The following CCSER1 variants were observed in gnomAD, a reference collection of about 807,000 sequenced individuals.
The protein encoded by CCSER1 is coiled-coil serine rich protein 1, also known as serine-rich coiled-coil domain-containing protein 1.
In CCSER1, 41 loss-of-function variants were observed where a neutral mutation model predicts 82.0. The ratio of observed to expected loss-of-function variants is 0.50; its 90% confidence interval spans 0.39 to 0.65. CCSER1 has a LOEUF of 0.65. CCSER1 is among the 30% of genes least tolerant of loss of function. The probability of loss-of-function intolerance (pLI) is 0.00; values close to 1 mark genes in which losing one functional copy is unlikely to be tolerated. For missense variants in CCSER1, 1,119 were observed against 1,064.2 expected, an observed-to-expected ratio of 1.05 and a Z score of -0.72; for synonymous variants, 414 against 383.9, an observed-to-expected ratio of 1.08 and a Z score of -0.92.
intron 7 of CCSER1, among the ~76,000 whole-genome samples, chr4:90,809,499 C>T (rs1757968145): frequency 6.6e-6 from 1 of 151,970 alleles, no homozygotes; most frequent in Non-Finnish European, 1.5e-5. Flanking sequence ...TATGCAAAGC[C>T]AGAGTGATAT....
At chr4:90,367,966 TA>T (rs930516120) in intron 3 of CCSER1, among the ~76,000 whole-genome samples, 1 of 152,002 alleles carries the variant, frequency 6.6e-6, no homozygotes, top group African/African-American at 2.4e-5. Flanking sequence ...TACAGTATTT[TA>T]GGGAATTTGA....
At chr4:91,179,992 T>G (rs748439198) in intron 10 of CCSER1, among the ~76,000 whole-genome samples, 14 of 152,228 alleles carry the variant, frequency 9.2e-5, no homozygotes, top group African/African-American at 3.4e-4. Context: ...GGTTTTGGTG[T>G]GGATGTCCTT....
At chr4:90,266,904 G>A (rs1035761730) in intron 1 of CCSER1, among the ~76,000 whole-genome samples, 1 of 151,882 alleles carries the variant, frequency 6.6e-6, no homozygotes, top group Non-Finnish European at 1.5e-5. Context: ...TGTGCTTGGA[G>A]CAAGTGGACT....
At chr4:91,342,269 G>T (rs1393195767) in intron 10 of CCSER1, among the ~76,000 whole-genome samples, 7 of 152,158 alleles carry the variant, frequency 4.6e-5, no homozygotes, top group African/African-American at 1.7e-4. Context: ...ATGAGTAATA[G>T]AGCTAGAATT....
chr4:90,924,513 G>A (rs1728803633), intron 9 of CCSER1, among the ~76,000 whole-genome samples: 1 of 151,852 alleles, frequency 6.6e-6, no homozygotes, highest in Admixed American at 6.6e-5. Flanking sequence ...TTTATTTTAA[G>A]GTATATTTAC....
chr4:90,368,604 C>T (rs145286542), intron 3 of CCSER1, among the ~76,000 whole-genome samples: 19 of 151,980 alleles, frequency 1.3e-4, no homozygotes, highest in African/African-American at 3.9e-4. Context: ...TGCACTTCAG[C>T]CTGGGTGACA....
intron 10 of CCSER1, among the ~76,000 whole-genome samples, chr4:91,375,215 A>G (rs974395018): frequency 6.6e-6 from 1 of 152,188 alleles, no homozygotes; most frequent in Admixed American, 6.5e-5. Flanking sequence ...GAGGGATTCA[A>G]AAGTTCAGGG....
At chr4:90,537,112 ATTTTCCTCAGG>A (rs1775495088) in intron 5 of CCSER1, among the ~76,000 whole-genome samples, 1 of 152,068 alleles carries the variant, frequency 6.6e-6, no homozygotes, top group Non-Finnish European at 1.5e-5. Flanking sequence ...TTCTGAGTTA[ATTTTCCTCAGG>A]TGAACCTTTT....
At chr4:91,022,168 C>T (rs1222950184) in intron 9 of CCSER1, among the ~76,000 whole-genome samples, 1 of 132,720 alleles carries the variant, frequency 7.5e-6, no homozygotes. Flanking sequence ...CACCCCACAC[C>T]AGGCCCTGGT....
chr4:91,572,090 G>T (rs1578822184), intron 10 of CCSER1, among the ~76,000 whole-genome samples: 1 of 152,014 alleles, frequency 6.6e-6, no homozygotes, highest in East Asian at 1.9e-4. Flanking sequence ...CTCTGGTGGG[G>T]TGACTGGGGA....
At chr4:91,320,166 G>C (rs1413063230) in intron 10 of CCSER1, among the ~76,000 whole-genome samples, 1 of 152,038 alleles carries the variant, frequency 6.6e-6, no homozygotes, top group African/African-American at 2.4e-5. Flanking sequence ...TGCAAGAGTA[G>C]TGATGCTGGC....
chr4:90,422,161 C>T (rs1464647715), intron 4 of CCSER1, among the ~76,000 whole-genome samples: 1 of 152,134 alleles, frequency 6.6e-6, no homozygotes, highest in Admixed American at 6.5e-5. Context: ...GACAGGGCAG[C>T]AGATGTGCAA....
chr4:90,364,858 A>T (rs1002525420), intron 3 of CCSER1, among the ~76,000 whole-genome samples: 3 of 151,988 alleles, frequency 2.0e-5, no homozygotes, highest in African/African-American at 7.2e-5. Flanking sequence ...TAAAATTTTG[A>T]AAATATGAAA....
chr4:90,306,432 C>T (rs896810048), intron 1 of CCSER1, among the ~76,000 whole-genome samples: 2 of 151,886 alleles, frequency 1.3e-5, no homozygotes, highest in Non-Finnish European at 2.9e-5. Flanking sequence ...CAAAACATCA[C>T]GTTATACCTC....
In CCSER1 at chr4:90,241,506, G is replaced by A. The variant is rs146737552; in HGVS notation, c.-41-66738G>A. Among the ~76,000 whole-genome samples the A allele has an allele frequency of 5.1e-3, 772 of 152,108 alleles. 7 individuals are homozygous for A. The highest frequency in any genetic ancestry group is 0.018 in the African/African-American group (745 of 41,492). On this transcript the variant is annotated intron_variant, in intron 1 of 10. Transcript: ENST00000509176. Reference sequence around the variant, plus strand: ...TGCTTTAACATAGGAATTACCAATGGCAATCACATTTTATTTTCCTAGCAG... The same window carrying A: ...TGCTTTAACATAGGAATTACCAATGACAATCACATTTTATTTTCCTAGCAG...
chr4:90,484,269 T>G (rs1766604649), intron 5 of CCSER1, among the ~76,000 whole-genome samples: 1 of 152,178 alleles, frequency 6.6e-6, no homozygotes, highest in Admixed American at 6.5e-5. Context: ...AGTTATCCAT[T>G]CATCTAATTT....
chr4:90,458,632 G>A (rs1479492802), intron 4 of CCSER1, among the ~76,000 whole-genome samples: 1 of 152,182 alleles, frequency 6.6e-6, no homozygotes, highest in Non-Finnish European at 1.5e-5. Context: ...TGGGATTAAA[G>A]GCGTGAGCCA....
chr4:90,747,540 G>C (rs967146865), intron 7 of CCSER1, among the ~76,000 whole-genome samples: 6 of 152,072 alleles, frequency 3.9e-5, no homozygotes, highest in Admixed American at 2.6e-4. Context: ...TCAGTGTTTA[G>C]TATGCAGAGT....
At chr4:91,071,076 G>C (rs1721383348) in intron 9 of CCSER1, among the ~76,000 whole-genome samples, 2 of 152,114 alleles carry the variant, frequency 1.3e-5, no homozygotes, top group South Asian at 4.2e-4. Context: ...GTACAAATTT[G>C]GTAAAACTAT....
Sources: gnomAD v4.1 joint callset for allele counts (sites outside exome capture counted in the v4.1 genomes callset) on GRCh38, gnomAD v4.1.1 for gene constraint, MANE v1.5 for transcripts, NCBI Gene and HGNC (gene_info 2026-07-23, HGNC 2026-07-21) for gene names.